Variants in KMT2A observed in about 807,000 individuals in gnomAD.
KMT2A encodes the protein lysine methyltransferase 2A.
KMT2A carries 16 observed loss-of-function variants against 345.3 expected under a neutral mutation model. The observed-to-expected ratio is 0.05, with a 90% CI of 0.03 to 0.07. The LOEUF (loss-of-function observed/expected upper bound fraction) is 0.07, where lower values mean the gene tolerates loss of function less well. Among genes scored for constraint, KMT2A ranks in the 10% least tolerant of loss-of-function variants. The probability of loss-of-function intolerance (pLI) is 1.00; values close to 1 mark genes in which losing one functional copy is unlikely to be tolerated. For synonymous variants in KMT2A, 1,599 were observed against 1,778.6 expected (o/e 0.90, Z 2.54); for missense variants, 3,272 against 4,841.6 (o/e 0.68, Z 9.62).
intron 31 of KMT2A, among the ~76,000 whole-genome samples, chr11:118,513,734 C>A (rs1950739296): frequency 6.6e-6 from 1 of 151,584 alleles, no homozygotes; most frequent in Non-Finnish European, 1.5e-5. Context: ...AGTTCAAGAC[C>A]ATCCTGGGCA....
rs1950941399 is a variant in KMT2A at position 118,520,620 on chromosome 11, C to T, written c.11430-182C>T. The T allele has an allele frequency of 1.7e-6, 1 of 588,808 alleles. No individual in the cohort carries two copies. Among genetic ancestry groups the T allele is most frequent in the Non-Finnish European group, 3.1e-6 (1 of 324,906 alleles). 36.5% of individuals were successfully genotyped at this position (588,808 alleles called of 1,614,324 possible). ...GAGCCGAGATCGCACCACTGGACTCCAGCCTGGGCGACAGAGCGAAACTCC... is the reference window on the plus strand; with the variant it reads ...GAGCCGAGATCGCACCACTGGACTCTAGCCTGGGCGACAGAGCGAAACTCC... On this transcript the variant is annotated intron_variant, in intron 33 of 35. Coordinates refer to ENST00000534358, the MANE Select transcript of KMT2A (RefSeq NM_001197104.2). The surrounding 1 kb of genome is among the most constrained non-coding windows in gnomAD (Gnocchi z 4.3).
chr11:118,443,341 C>T (rs782808603), intron 1 of KMT2A, among the ~76,000 whole-genome samples: 6 of 152,120 alleles, frequency 3.9e-5, no homozygotes, highest in African/African-American at 9.7e-5. Context: ...AATGATGAGC[C>T]GCTTTTCTTG....
chr11:118,523,269 G>C lies in KMT2A; in HGVS notation c.*1097G>C, dbSNP rs547505104. The C allele has an allele frequency of 2.3e-4, 53 of 229,080 alleles. No individual in the cohort carries two copies. The highest frequency in any genetic ancestry group is 1.1e-3 in the African/African-American group (50 of 45,184). The allele number at this position is 229,080 out of a possible 1,614,324, so 14.2% of individuals were successfully genotyped here. On this transcript the variant is annotated 3_prime_UTR_variant, in exon 36 of 36. Transcript: ENST00000534358. ...TTATTTTCCCCTTGTTAAGACATAG[G>C]AAGACTTAATTTTTAAACGGTCAGT...
intron 1 of KMT2A, among the ~76,000 whole-genome samples, chr11:118,440,919 C>T (rs1215997091): frequency 6.6e-6 from 1 of 151,464 alleles, no homozygotes; most frequent in South Asian, 2.1e-4. Flanking sequence ...GTGGAGTGCA[C>T]GAAGCCTCCG....
At chr11:118,501,468 C>T (rs1377481222) in intron 25 of KMT2A, among the ~76,000 whole-genome samples, 1 of 139,370 alleles carries the variant, frequency 7.2e-6, no homozygotes, top group African/African-American at 2.7e-5. Context: ...GACTGTGTCT[C>T]AAAGAAAAAA....
Position 118,477,669 on chromosome 11 carries a change from G to A in KMT2A, c.3335-298G>A, listed in dbSNP as rs9332784. ...ATTACAGGCATGTGCCACCATGCCT[G>A]GCTAATTTTTGTATTTTTAGTAGAG... On this transcript the variant is annotated intron_variant, in intron 4 of 35. Coordinates refer to ENST00000534358, the MANE Select transcript of KMT2A (RefSeq NM_001197104.2). Among the ~76,000 whole-genome samples, 1,252 of 151,226 alleles carry A rather than the reference G, an allele frequency of 8.3e-3. 9 individuals are homozygous for A. The highest frequency in any genetic ancestry group is 0.014 in the Non-Finnish European group (921 of 67,792).
chr11:118,471,106 A>G (rs1949934889), intron 2 of KMT2A, among the ~76,000 whole-genome samples: 1 of 152,198 alleles, frequency 6.6e-6, no homozygotes. Flanking sequence ...ACATTTTTCT[A>G]TTCAGTAAAA....
chr11:118,460,417 A>G (rs1429906847), intron 1 of KMT2A, among the ~76,000 whole-genome samples: 7 of 151,468 alleles, frequency 4.6e-5, no homozygotes, highest in Admixed American at 1.3e-4. Context: ...CCTCCCGAGT[A>G]GCTGGACCAC....
At chr11:118,437,079 C>A in intron 1 of KMT2A, 135 bp downstream of exon 1, 1 of 1,083,344 alleles carries the variant, frequency 9.2e-7, no homozygotes. Flanking sequence ...AATGGCTCTC[C>A]CATCTTGGGA....
chr11:118,454,835 T>G (rs1367271089), intron 1 of KMT2A, among the ~76,000 whole-genome samples: 1 of 151,886 alleles, frequency 6.6e-6, no homozygotes, highest in Admixed American at 6.6e-5. Flanking sequence ...TTTAAAAAAA[T>G]GGTTAATTTT....
Position 118,506,484 on chromosome 11 carries a change from C to T in KMT2A, c.10592C>T (p.Pro3531Leu), listed in dbSNP as rs1950585709. 6.2e-7 allele frequency: 1 copy of T among 1,614,196 alleles called. No individual in the cohort carries two copies. ...SPSSGQRSASPSVPGPTKPKP... is the reference protein window; with the variant it reads ...SPSSGQRSASLSVPGPTKPKP... ...TCTTCTGGACAGCGGTCAGCAAGCC[C>T]TTCAGTGCCGGGTCCCACTAAACCC... is the stretch of plus-strand genomic sequence containing the variant. Residue 3531 changes from proline to leucine, a missense_variant, in exon 27 of 36, where the codon CCT (proline) becomes CTT (leucine). Transcript: ENST00000534358.
Position 118,471,774 on chromosome 11 carries a change from A to C in KMT2A, c.615A>C (p.Lys205Asn). 1.9e-6 allele frequency: 3 copies of C among 1,613,754 alleles called. No individual in the cohort carries two copies. Among genetic ancestry groups the C allele is most frequent in the Non-Finnish European group, 2.5e-6 (3 of 1,179,774 alleles). Residue 205 changes from lysine to asparagine, a missense_variant, in exon 3 of 36, where the codon AAA (lysine) becomes AAC (asparagine). This residue lies in a region of KMT2A where 412 missense variants were observed against 511.0 expected (regional missense o/e 0.81). Coordinates refer to ENST00000534358, the MANE Select transcript of KMT2A (RefSeq NM_001197104.2). Reference protein sequence around the residue: ...VFSPLNKSETKSGDKIKKKDS... With the variant: ...VFSPLNKSETNSGDKIKKKDS... ...CCCCTCTAAATAAATCAGAGACCAA[A>C]TCTGGAGATAAGATCAAGAAGAAAG...
rs1555055614 is a variant in KMT2A at position 118,526,346 on chromosome 11, A to T, written c.*4174A>T. The T allele has an allele frequency of 1.3e-5, 3 of 225,044 alleles. No individual in the cohort carries two copies. The highest frequency in any genetic ancestry group is 6.5e-5 in the East Asian group (1 of 15,390). The allele number at this position is 225,044 out of a possible 1,614,324, so 13.9% of individuals were successfully genotyped here. A position where few individuals can be genotyped will look rare whatever the true frequency, so the allele number is the denominator to read the frequency against. ...AAATTGTGTTCTGTGCTTTCCTGGT[A>T]TCTTGTTCCGAGGTACTCTAGTTCT... On this transcript the variant is annotated 3_prime_UTR_variant, in exon 36 of 36. Coordinates refer to ENST00000534358, the MANE Select transcript of KMT2A (RefSeq NM_001197104.2).
chr11:118,513,937 C>CAAAAAAAAAAAAAAAA (rs1178939991), intron 31 of KMT2A, among the ~76,000 whole-genome samples: 17 of 47,270 alleles, frequency 3.6e-4, no homozygotes, highest in African/African-American at 5.9e-4. Flanking sequence ...GACCCTGTCT[C>CAAAAAAAAAAAAAAAA]AAAAAAAAAA....
chr11:118,451,566 T>C (rs1949538267), intron 1 of KMT2A, among the ~76,000 whole-genome samples: 1 of 152,088 alleles, frequency 6.6e-6, no homozygotes, highest in Non-Finnish European at 1.5e-5. Flanking sequence ...TTTTTATGTT[T>C]TTAGTAGAGA....
intron 27 of KMT2A, 97 bp downstream of exon 27, chr11:118,506,743 T>C (rs1375894764): frequency 7.7e-7 from 1 of 1,299,462 alleles, no homozygotes; most frequent in South Asian, 1.5e-5. Flanking sequence ...CACTCTTCTG[T>C]TCAAGTTGCA....
chr11:118,496,489 T>C lies in KMT2A; in HGVS notation c.5664+122T>C. ...ATGAACTTACTTATAACTTACTAAT[T>C]TATAACTTTTATTTACCTATAACTT... is the stretch of plus-strand genomic sequence containing the variant. On this transcript the variant is annotated intron_variant, in intron 20 of 35. Transcript: ENST00000534358. This position sits in a 1 kb window ranked among gnomAD's most constrained non-coding sequence, Gnocchi z 4.7. The C allele has an allele frequency of 3.4e-6, 2 of 580,982 alleles. No individual in the cohort carries two copies. Among genetic ancestry groups the C allele is most frequent in the South Asian group, 4.7e-5 (2 of 42,814 alleles). 36.0% of individuals were successfully genotyped at this position (580,982 alleles called of 1,614,324 possible). A position where few individuals can be genotyped will look rare whatever the true frequency, so the allele number is the denominator to read the frequency against.
At chr11:118,486,986 A>G (rs1950241463) in intron 10 of KMT2A, among the ~76,000 whole-genome samples, 1 of 152,174 alleles carries the variant, frequency 6.6e-6, no homozygotes, top group Admixed American at 6.6e-5. Flanking sequence ...AAGAAAGTCA[A>G]CCCTGCCCAC....
chr11:118,512,229 C>T, intron 31 of KMT2A: 1 of 586,150 alleles, frequency 1.7e-6, no homozygotes, highest in Non-Finnish European at 3.0e-6. Context: ...TGTATAACCA[C>T]CACTACTCTA....
Sources: gnomAD v4.1 joint callset for allele counts (sites outside exome capture counted in the v4.1 genomes callset) on GRCh38, gnomAD v4.1.1 for gene constraint, gnomAD v4.1.1 regional missense constraint, Gnocchi (gnomAD v3.1) non-coding constraint, MANE v1.5 for transcripts, NCBI Gene and HGNC (gene_info 2026-07-23, HGNC 2026-07-21) for gene names.